The following HERC3 variants were observed in gnomAD, a reference collection of about 807,000 sequenced individuals.
HERC3 encodes HECT and RLD domain containing E3 ubiquitin protein ligase 3, also known as probable E3 ubiquitin-protein ligase HERC3.
In HERC3, 58 loss-of-function variants were observed where a neutral mutation model predicts 129.9. That is an observed-to-expected ratio of 0.45 (90% CI 0.36 to 0.56). The LOEUF is 0.56. Ranked by LOEUF, HERC3 falls within the 20% of genes least tolerant of loss-of-function variation. HERC3 has a pLI of 0.00. For missense variants in HERC3, 835 were observed against 1,244.2 expected (o/e 0.67, Z 4.95); for synonymous variants, 430 against 451.0 (o/e 0.95, Z 0.59).
chr4:88,596,092 G>T (rs888530453), intron 2 of HERC3, among the ~76,000 whole-genome samples: 1 of 151,970 alleles, frequency 6.6e-6, no homozygotes, highest in Admixed American at 6.6e-5. Flanking sequence ...CTCGTGATCC[G>T]CCTGCCTCGG....
At chr4:88,567,501 T>C in the HERC3 span, among the ~76,000 whole-genome samples, 1 of 152,306 alleles carries the variant, frequency 6.6e-6, no homozygotes, top group South Asian at 2.1e-4. Flanking sequence ...CTCCTCTGAT[T>C]GTGTATTTTT....
chr4:88,593,201 C>G (rs780544724), intron 1 of HERC3: 13 of 152,148 alleles, frequency 8.5e-5, no homozygotes, highest in Non-Finnish European at 1.8e-4. Flanking sequence ...GCTCGCCTCT[C>G]CCGGGTCCGC....
At chr4:88,660,609 TC>T (rs563285236) in intron 10 of HERC3, among the ~76,000 whole-genome samples, 5 of 152,206 alleles carry the variant, frequency 3.3e-5, no homozygotes, top group Non-Finnish European at 7.4e-5. Flanking sequence ...CTACACTGAT[TC>T]TAGGTCTTGG....
the HERC3 span, among the ~76,000 whole-genome samples, chr4:88,553,185 T>G: frequency 1.9e-4 from 29 of 152,150 alleles, no homozygotes; most frequent in African/African-American, 6.8e-4. Context: ...CAGAAGTTTA[T>G]TAGCACAGAA....
intron 23 of HERC3, chr4:88,696,977 T>G (rs1272554822): frequency 2.3e-6 from 1 of 438,520 alleles, no homozygotes; most frequent in African/African-American, 2.0e-5. Flanking sequence ...TAATTCAGTT[T>G]TCTTTAACAC....
At chr4:88,532,751 C>A in the HERC3 span, among the ~76,000 whole-genome samples, 1 of 152,084 alleles carries the variant, frequency 6.6e-6, no homozygotes, top group African/African-American at 2.4e-5. Flanking sequence ...CTAACAAGTA[C>A]TCAGGAAAAC....
chr4:88,681,318 G>C lies in HERC3; in HGVS notation c.2500G>C (p.Glu834Gln). 2 of 1,611,464 alleles carry C rather than the reference G, an allele frequency of 1.2e-6. No homozygotes were observed. Among genetic ancestry groups the C allele is most frequent in the Non-Finnish European group, 1.7e-6 (2 of 1,179,064 alleles). ...AGACTTAAAGGAGTTGTCACCCACT[G>C]AAGGAAGGTACAAAGCTAAAAGGCG... is the stretch of plus-strand genomic sequence containing the variant. ...LEDLKELSPTEGRSLQELLDY... is the reference protein window; with the variant it reads ...LEDLKELSPTQGRSLQELLDY... Residue 834 changes from glutamate (E) to glutamine (Q), a missense_variant, in exon 21 of 26, where the codon GAA (glutamate) becomes CAA (glutamine). Coordinates refer to ENST00000402738, the MANE Select transcript of HERC3 (RefSeq NM_014606.3).
intron 3 of HERC3, among the ~76,000 whole-genome samples, chr4:88,634,344 G>T (rs138847123): frequency 6.6e-6 from 1 of 152,226 alleles, no homozygotes. Context: ...AGGGGAAGGG[G>T]CAGCCACCAC....
intron 19 of HERC3, among the ~76,000 whole-genome samples, chr4:88,679,549 G>A (rs1210242833): frequency 2.1e-5 from 3 of 141,366 alleles, no homozygotes; most frequent in Non-Finnish European, 3.0e-5. Context: ...TCGGAGTTTC[G>A]CTCTTTGTTG....
chr4:88,579,495 G>C, the HERC3 span, among the ~76,000 whole-genome samples: 40 of 152,228 alleles, frequency 2.6e-4, no homozygotes, highest in African/African-American at 9.4e-4. Flanking sequence ...TGGGTATGGG[G>C]AATAGGATGA....
intron 21 of HERC3, among the ~76,000 whole-genome samples, chr4:88,685,534 G>A (rs889054284): frequency 3.3e-5 from 5 of 152,258 alleles, no homozygotes; most frequent in East Asian, 1.9e-4. Context: ...ACTTATAAGT[G>A]GGAGTTGAAC....
chr4:88,699,768 C>T (rs566753981), intron 23 of HERC3, among the ~76,000 whole-genome samples: 1 of 152,230 alleles, frequency 6.6e-6, no homozygotes, highest in South Asian at 2.1e-4. Context: ...GTTCATCTTT[C>T]AAGATTTTTA....
intron 3 of HERC3, among the ~76,000 whole-genome samples, chr4:88,606,878 G>T (rs1216797166): frequency 6.6e-6 from 1 of 152,192 alleles, no homozygotes; most frequent in Non-Finnish European, 1.5e-5. Context: ...TTAATGCTGA[G>T]AAATATGACA....
chr4:88,668,834 A>G (rs1464564462), intron 14 of HERC3, among the ~76,000 whole-genome samples: 1 of 152,174 alleles, frequency 6.6e-6, no homozygotes, highest in Non-Finnish European at 1.5e-5. Flanking sequence ...TGGCTTTTCT[A>G]TATTGCCTCC....
At chr4:88,638,640 A>C (rs1477064055) in intron 3 of HERC3, among the ~76,000 whole-genome samples, 2 of 152,234 alleles carry the variant, frequency 1.3e-5, no homozygotes, top group Non-Finnish European at 2.9e-5. Flanking sequence ...TATCGTACTG[A>C]ATAGGCAAAA....
rs540876581 is a variant in HERC3 at position 88,687,739 on chromosome 4, A to T, written c.2657+440A>T. 3.3e-5 allele frequency among the ~76,000 whole-genome samples: 5 copies of T among 152,346 alleles called. No individual in the cohort carries two copies. In the South Asian group the frequency reaches 8.3e-4, roughly 25 times the overall value. ...TGCCTGGCACAAAAATACTCAAAAAATATGTGTTGAAGAAATGAATTTTAT... is the reference window on the plus strand; with the variant it reads ...TGCCTGGCACAAAAATACTCAAAAATTATGTGTTGAAGAAATGAATTTTAT... On this transcript the variant is annotated intron_variant, in intron 23 of 25. Coordinates refer to ENST00000402738, the MANE Select transcript of HERC3 (RefSeq NM_014606.3).
At chr4:88,558,892 C>T in the HERC3 span, among the ~76,000 whole-genome samples, 1 of 150,948 alleles carries the variant, frequency 6.6e-6, no homozygotes, top group African/African-American at 2.4e-5. Flanking sequence ...GGCGTGAACC[C>T]AGGAGGCGGA....
At chr4:88,533,948 C>CT in the HERC3 span, among the ~76,000 whole-genome samples, 4 of 151,644 alleles carry the variant, frequency 2.6e-5, no homozygotes, top group Non-Finnish European at 4.4e-5. Context: ...TAGCTTCTAT[C>CT]TTTTTTTACT....
the HERC3 span, among the ~76,000 whole-genome samples, chr4:88,585,022 G>A: frequency 6.6e-6 from 1 of 152,228 alleles, no homozygotes. Flanking sequence ...TGGAGGGTGA[G>A]AAGTTCAAGA....
Sources: allele counts gnomAD v4.1 joint callset (sites outside exome capture counted in the v4.1 genomes callset), GRCh38; gene constraint gnomAD v4.1.1; transcripts MANE v1.5; gene names NCBI Gene and HGNC (gene_info 2026-07-23, HGNC 2026-07-21).